The following RNF130 variants were observed in gnomAD, a reference collection of about 807,000 sequenced individuals.
RNF130 encodes the protein ring finger protein 130, also known as E3 ubiquitin-protein ligase RNF130.
Under a neutral mutation model 44.6 loss-of-function variants are expected in RNF130, and 21 were observed. That is an observed-to-expected ratio of 0.47 (90% confidence interval 0.33 to 0.68). The LOEUF (loss-of-function observed/expected upper bound fraction) is 0.68. Ranked by LOEUF, RNF130 falls within the 30% of genes least tolerant of loss-of-function variation. The pLI is 0.02. For missense variants in RNF130, 479 were observed against 560.6 expected, an observed-to-expected ratio of 0.85 and a Z score of 1.47; for synonymous variants, 214 against 210.4, an observed-to-expected ratio of 1.02 and a Z score of -0.15.
At chr5:179,989,181 C>T (rs1763020871) in intron 3 of RNF130, among the ~76,000 whole-genome samples, 1 of 152,216 alleles carries the variant, frequency 6.6e-6, no homozygotes, top group Non-Finnish European at 1.5e-5. Context: ...ACTATCCCAT[C>T]AGATCTTGTG....
intron 8 of RNF130, among the ~76,000 whole-genome samples, chr5:179,958,303 A>G (rs1466039709): frequency 6.6e-6 from 1 of 152,246 alleles, no homozygotes; most frequent in Non-Finnish European, 1.5e-5. Context: ...TACATCAGAG[A>G]ATACTGCATG....
intron 1 of RNF130, among the ~76,000 whole-genome samples, chr5:180,058,567 T>G (rs1208185805): frequency 6.6e-6 from 1 of 152,164 alleles, no homozygotes; most frequent in East Asian, 1.9e-4. Context: ...TTTTATTTTT[T>G]ATTTTTGAGA....
intron 1 of RNF130, among the ~76,000 whole-genome samples, chr5:180,042,869 G>C (rs1048007656): frequency 6.6e-6 from 1 of 152,202 alleles, no homozygotes; most frequent in African/African-American, 2.4e-5. Flanking sequence ...CATAGTTATG[G>C]AATCAGCAAG....
intron 7 of RNF130, among the ~76,000 whole-genome samples, chr5:179,937,931 TGTGAGAGAGAGAGAGAGAGAGA>T (rs1761916907): frequency 7.6e-6 from 1 of 131,022 alleles, no homozygotes; most frequent in South Asian, 2.5e-4. Context: ...TGTGTGTGTG[TGTGAGAGAGAGAGAGAGAGAGA>T]GAGAGAGAGA....
chr5:180,045,750 CA>C (rs1764549880), intron 1 of RNF130, among the ~76,000 whole-genome samples: 1 of 152,068 alleles, frequency 6.6e-6, no homozygotes, highest in Non-Finnish European at 1.5e-5. Flanking sequence ...TACAATCCTC[CA>C]GCTAGGCACA....
intron 2 of RNF130, among the ~76,000 whole-genome samples, chr5:180,032,437 T>C (rs1764151145): frequency 6.6e-6 from 1 of 152,124 alleles, no homozygotes; most frequent in Non-Finnish European, 1.5e-5. Context: ...AGTGGTGCCA[T>C]CATGGCTCAC....
At chr5:179,948,413 T>TAAC (rs1263133937) in intron 7 of RNF130, among the ~76,000 whole-genome samples, 1 of 152,194 alleles carries the variant, frequency 6.6e-6, no homozygotes, top group Non-Finnish European at 1.5e-5. Flanking sequence ...CTCATGCCTG[T>TAAC]AATCCCAGCA....
At chr5:180,027,109 ATGAT>A (rs2113115296) in intron 2 of RNF130, among the ~76,000 whole-genome samples, 1 of 152,268 alleles carries the variant, frequency 6.6e-6, no homozygotes, top group South Asian at 2.1e-4. Context: ...CTTCTGCCCT[ATGAT>A]GAAGGGAGGG....
rs1010734702 is a variant in RNF130, at chr5:180,017,563, A to G, written c.443-4252T>C. Among the ~76,000 whole-genome samples the G allele has an allele frequency of 5.3e-5, 8 of 152,176 alleles. 1 individual carries two copies. Among genetic ancestry groups the G allele is most frequent in the Non-Finnish European group, 8.8e-5 (6 of 68,036 alleles). The stretch of plus-strand genomic sequence containing the variant: ...TCCCTAATGCTGTGATTTCTTCTAC[A>G]TTTTGTAAACTGATTCTATAATCAA... On this transcript the variant is annotated intron_variant, in intron 2 of 8. Transcript: ENST00000521389.
At chr5:180,057,571 G>A (rs543063381) in intron 1 of RNF130, among the ~76,000 whole-genome samples, 2 of 151,912 alleles carry the variant, frequency 1.3e-5, no homozygotes, top group South Asian at 4.1e-4. Flanking sequence ...CATGTGTAAT[G>A]TGTAATGGAG....
At chr5:180,069,926 A>T (rs1232358862) in intron 1 of RNF130, among the ~76,000 whole-genome samples, 7 of 152,214 alleles carry the variant, frequency 4.6e-5, no homozygotes, top group Non-Finnish European at 1.0e-4. Flanking sequence ...GGCAAGCAAC[A>T]AGTAGCTGAA....
intron 1 of RNF130, among the ~76,000 whole-genome samples, chr5:180,044,894 C>G (rs953322128): frequency 2.0e-5 from 3 of 152,076 alleles, no homozygotes; most frequent in African/African-American, 7.2e-5. Flanking sequence ...AGCACAGAAG[C>G]TGACGTTAGA....
At chr5:180,026,251 T>G (rs1381618696) in intron 2 of RNF130, among the ~76,000 whole-genome samples, 1 of 152,198 alleles carries the variant, frequency 6.6e-6, no homozygotes, top group Non-Finnish European at 1.5e-5. Context: ...GGAAAGAATG[T>G]CCACAAAATT....
At chr5:179,999,943 ATTGT>A (rs1203522935) in intron 3 of RNF130, among the ~76,000 whole-genome samples, 4 of 152,162 alleles carry the variant, frequency 2.6e-5, no homozygotes, top group East Asian at 3.9e-4. Flanking sequence ...GTTCTCTCCT[ATTGT>A]TTATCATTAA....
intron 4 of RNF130, among the ~76,000 whole-genome samples, chr5:179,979,559 T>G (rs1762785768): frequency 6.6e-6 from 1 of 152,092 alleles, no homozygotes; most frequent in South Asian, 2.1e-4. Context: ...GGGGCAGCAC[T>G]AAGATGCAAC....
chr5:179,925,274 C>T (rs1191948906), intron 7 of RNF130, among the ~76,000 whole-genome samples: 4 of 125,292 alleles, frequency 3.2e-5, no homozygotes, highest in Middle Eastern at 4.2e-3. Flanking sequence ...TTAAGTTGAT[C>T]GCCCATGGCC....
intron 6 of RNF130, among the ~76,000 whole-genome samples, chr5:179,967,994 C>A (rs1279411841): frequency 6.6e-6 from 1 of 152,208 alleles, no homozygotes; most frequent in Non-Finnish European, 1.5e-5. Context: ...AGTATTAGCA[C>A]TTAATATACT....
chr5:180,025,027 A>G (rs1026784040), intron 2 of RNF130, among the ~76,000 whole-genome samples: 2 of 152,222 alleles, frequency 1.3e-5, no homozygotes, highest in African/African-American at 4.8e-5. Context: ...AGACCTGCAG[A>G]GCAAAAGGAC....
chr5:180,021,112 C>T (rs1295945447), intron 2 of RNF130, among the ~76,000 whole-genome samples: 1 of 152,016 alleles, frequency 6.6e-6, no homozygotes, highest in Non-Finnish European at 1.5e-5. Flanking sequence ...ATGTCAGACA[C>T]GTACCACCAA....
Sources: gnomAD v4.1 joint callset for allele counts (sites outside exome capture counted in the v4.1 genomes callset) on GRCh38, gnomAD v4.1.1 for gene constraint, MANE v1.5 for transcripts, NCBI Gene and HGNC (gene_info 2026-07-23, HGNC 2026-07-21) for gene names.